The following SPEN variants were observed in gnomAD, a reference collection of about 807,000 sequenced individuals.
SPEN encodes spen family transcriptional repressor.
In SPEN, 18 loss-of-function variants were observed where a neutral mutation model predicts 269.9. The observed-to-expected ratio is 0.07, with a 90% confidence interval of 0.05 to 0.10. The LOEUF (loss-of-function observed/expected upper bound fraction) is 0.10. SPEN is among the 10% of genes least tolerant of loss of function. The probability of loss-of-function intolerance (pLI) is 1.00; values close to 1 mark genes in which losing one functional copy is unlikely to be tolerated. For synonymous variants in SPEN, 1,726 were observed against 1,765.7 expected, an observed-to-expected ratio of 0.98 and a Z score of 0.56; for missense variants, 3,822 against 4,631.2, an observed-to-expected ratio of 0.83 and a Z score of 5.07.
Position 15,937,937 on chromosome 1 carries a change from C to T in SPEN, c.10635C>T (p.Pro3545=). 1 of 1,614,098 alleles carries T rather than the reference C, an allele frequency of 6.2e-7. No individual in the cohort carries two copies. The highest frequency in any genetic ancestry group is 8.5e-7 in the Non-Finnish European group (1 of 1,179,988). The change falls in exon 13 of 15, where the codon CCC becomes CCT. Residue 3545 remains proline, a synonymous_variant. Coordinates refer to ENST00000375759, the MANE Select transcript of SPEN (RefSeq NM_015001.3). The surrounding 1 kb of genome is among the most constrained non-coding windows in gnomAD (Gnocchi z 5.7). ...HRSLPLSEGG[P]PLRIAQRMRL... is the part of the protein sequence containing the mutation. Reference sequence around the variant, plus strand: ...CCCTGCCCCTTTCTGAAGGAGGGCCCCCACTAAGGATCGCCCAGAGGATGC... The same window carrying T: ...CCCTGCCCCTTTCTGAAGGAGGGCCTCCACTAAGGATCGCCCAGAGGATGC...
In SPEN at chr1:15,848,135, T is replaced by C; in HGVS notation, c.68T>C (p.Ile23Thr). ...LPENVREEKI[I>T]EHFKRYGRVE... ...GAGAACGTGCGGGAAGAGAAGATCA[T>C]CGAGCATTTCAAACGGTGAGTGACA... The change falls in exon 1 of 15, where the codon ATC becomes ACC. Residue 23 changes from isoleucine (I) to threonine (T), a missense_variant. Ile to Thr is a moderately conservative substitution (Grantham distance 89). Transcript: ENST00000375759. This position sits in a 1 kb window ranked among gnomAD's most constrained non-coding sequence, Gnocchi z 5.1. 6.7e-7 allele frequency: 1 copy of C among 1,494,450 alleles called. No homozygotes were observed. The highest frequency in any genetic ancestry group is 9.0e-7 in the Non-Finnish European group (1 of 1,113,530). 92.6% of individuals were successfully genotyped at this position (1,494,450 alleles called of 1,614,324 possible).
intron 1 of SPEN, among the ~76,000 whole-genome samples, chr1:15,869,601 T>C (rs2070552843): frequency 6.6e-6 from 1 of 151,366 alleles, no homozygotes; most frequent in African/African-American, 2.4e-5. Flanking sequence ...TTTATTTATT[T>C]ATTTATTTAT....
intron 3 of SPEN, among the ~76,000 whole-genome samples, chr1:15,881,707 T>C (rs2070688951): frequency 6.6e-6 from 1 of 152,232 alleles, no homozygotes. Flanking sequence ...GGTGTTCAGT[T>C]TACATTATTC....
intron 3 of SPEN, among the ~76,000 whole-genome samples, chr1:15,879,393 G>A (rs975906173): frequency 2.6e-5 from 4 of 151,922 alleles, no homozygotes. Flanking sequence ...TGAACCTAGA[G>A]GTGATCTGAT....
rs2071091219 is a variant in SPEN, at chr1:15,919,048, C to T, written c.1518C>T (p.Leu506=). Residue 506 remains leucine (L), a synonymous_variant, in exon 7 of 15, where the codon CTC becomes CTT. Coordinates refer to ENST00000375759, the MANE Select transcript of SPEN (RefSeq NM_015001.3). ...MDGEYLGNNR[L]KLGFGKSMPT... is the part of the protein sequence containing the mutation. ...GGGAATATCTTGGAAATAATCGCCT[C>T]AAGGTAAATGAATTTGCATAAATTA... The T allele has an allele frequency of 6.2e-7, 1 of 1,607,440 alleles. No individual in the cohort carries two copies. Among genetic ancestry groups the T allele is most frequent in the Non-Finnish European group, 8.5e-7 (1 of 1,178,000 alleles).
At chr1:15,870,852 T>G (rs967306255) in intron 1 of SPEN, among the ~76,000 whole-genome samples, 9 of 152,208 alleles carry the variant, frequency 5.9e-5, no homozygotes, top group Admixed American at 4.6e-4. Flanking sequence ...TCTTATGCAG[T>G]TGATGAAAAC....
At chr1:15,859,214 G>A (rs981342323) in intron 1 of SPEN, among the ~76,000 whole-genome samples, 1 of 147,834 alleles carries the variant, frequency 6.8e-6, no homozygotes, top group Non-Finnish European at 1.5e-5. Context: ...GCTATACACA[G>A]GTGAGATCAT....
chr1:15,903,344 A>G (rs773992349), intron 3 of SPEN, among the ~76,000 whole-genome samples: 8 of 152,212 alleles, frequency 5.3e-5, no homozygotes, highest in Non-Finnish European at 1.0e-4. Flanking sequence ...TTAATTACAA[A>G]TTATAAGAAA....
chr1:15,850,859 A>G (rs1411406594), intron 1 of SPEN, among the ~76,000 whole-genome samples: 2 of 152,224 alleles, frequency 1.3e-5, no homozygotes, highest in Admixed American at 6.5e-5. Context: ...TGCAATACCT[A>G]TATTAAAACT....
intron 3 of SPEN, among the ~76,000 whole-genome samples, chr1:15,901,729 A>G (rs1425117391): frequency 5.3e-5 from 8 of 151,794 alleles, no homozygotes; most frequent in Middle Eastern, 3.4e-3. Flanking sequence ...GAAAATGGTA[A>G]TGGTGTCACA....
chr1:15,937,691 C>A lies in SPEN; in HGVS notation c.10509+46C>A, dbSNP rs2071290273. On this transcript the variant is annotated intron_variant, in intron 12 of 14. Transcript: ENST00000375759. The surrounding 1 kb of genome is among the most constrained non-coding windows in gnomAD (Gnocchi z 5.7). ...CCCTTCCTGGCCCCCAAGTTTTATG[C>A]CATGTCAAATGTCCTAAGATTCCCT... is the stretch of plus-strand genomic sequence containing the variant. 1 of 1,606,080 alleles carries A rather than the reference C, an allele frequency of 6.2e-7. No individual in the cohort carries two copies. Among genetic ancestry groups the A allele is most frequent in the African/African-American group, 1.3e-5 (1 of 74,616 alleles).
At chr1:15,916,302 A>T in intron 6 of SPEN, 23 bp downstream of exon 6, 1 of 1,605,362 alleles carries the variant, frequency 6.2e-7, no homozygotes, top group South Asian at 1.1e-5. Flanking sequence ...TACTATGTAA[A>T]CAATTTTAGG....
chr1:15,919,577 T>A, intron 8 of SPEN, 60 bp downstream of exon 8: 1 of 1,017,014 alleles, frequency 9.8e-7, no homozygotes, highest in Non-Finnish European at 1.4e-6. Flanking sequence ...TGGTATTCTC[T>A]CCTTTCAGTC....
chr1:15,851,873 C>T (rs2070339990), intron 1 of SPEN, among the ~76,000 whole-genome samples: 1 of 152,064 alleles, frequency 6.6e-6, no homozygotes, highest in Admixed American at 6.6e-5. Context: ...GATCCAGCTA[C>T]TTGGGAGGCT....
chr1:15,926,410 C>T (rs1291052501), intron 10 of SPEN, among the ~76,000 whole-genome samples: 1 of 150,704 alleles, frequency 6.6e-6, no homozygotes, highest in Non-Finnish European at 1.5e-5. Context: ...CACACACACA[C>T]ACATTTATAA....
rs2071250899 is a variant in SPEN, at chr1:15,934,199, A to G, written c.7959A>G (p.Ala2653=). 1 of 1,614,164 alleles carries G rather than the reference A, an allele frequency of 6.2e-7. No homozygotes were observed. Among genetic ancestry groups the G allele is most frequent in the Non-Finnish European group, 8.5e-7 (1 of 1,180,020 alleles). Residue 2653 remains alanine (A), a synonymous_variant, in exon 11 of 15, where the codon GCA becomes GCG. Coordinates refer to ENST00000375759, the MANE Select transcript of SPEN (RefSeq NM_015001.3). The surrounding 1 kb of genome is among the most constrained non-coding windows in gnomAD (Gnocchi z 9.2). Reference sequence around the variant, plus strand: ...AAACCCTCACTGGTCTGGTGAGCGCACTCACTGGCCTGGTGAACGTCTCCC... The same window carrying G: ...AAACCCTCACTGGTCTGGTGAGCGCGCTCACTGGCCTGGTGAACGTCTCCC... ...APQTLTGLVS[A]LTGLVNVSLV... is the part of the protein sequence containing the mutation.
intron 2 of SPEN, chr1:15,873,355 T>C (rs1266764012): frequency 2.6e-5 from 33 of 1,249,144 alleles, no homozygotes; most frequent in Non-Finnish European, 3.1e-5. Context: ...TCCTGAGATA[T>C]AATGTGATGG....
chr1:15,895,794 C>T (rs1473523355), intron 3 of SPEN, among the ~76,000 whole-genome samples: 1 of 151,364 alleles, frequency 6.6e-6, no homozygotes. Context: ...GATTCTCCCA[C>T]TCAGTCTCCT....
chr1:15,940,258 A>G lies in SPEN; in HGVS notation c.*831A>G. On this transcript the variant is annotated 3_prime_UTR_variant, in exon 15 of 15. Coordinates refer to ENST00000375759, the MANE Select transcript of SPEN (RefSeq NM_015001.3). Reference sequence around the variant, plus strand: ...CTCATTTGTATAAGTGCGCTTCGGTACAGCACGGGTCCTGCTCCCGCGATG... The same window carrying G: ...CTCATTTGTATAAGTGCGCTTCGGTGCAGCACGGGTCCTGCTCCCGCGATG... 4.3e-6 allele frequency: 1 copy of G among 233,280 alleles called. No homozygotes were observed. The highest frequency in any genetic ancestry group is 8.5e-6 in the Non-Finnish European group (1 of 117,808). 14.5% of individuals were successfully genotyped at this position (233,280 alleles called of 1,614,324 possible).
Sources: gnomAD v4.1 joint callset for allele counts (sites outside exome capture counted in the v4.1 genomes callset) on GRCh38, gnomAD v4.1.1 for gene constraint, Gnocchi (gnomAD v3.1) non-coding constraint, MANE v1.5 for transcripts, NCBI Gene and HGNC (gene_info 2026-07-23, HGNC 2026-07-21) for gene names.